The following SRSF11 variants were observed in gnomAD, a reference collection of about 807,000 sequenced individuals.
SRSF11 encodes serine and arginine rich splicing factor 11.
Under a neutral mutation model 56.0 loss-of-function variants are expected in SRSF11, and 9 were observed. That is an observed-to-expected ratio of 0.16 (90% confidence interval 0.10 to 0.28). The LOEUF (loss-of-function observed/expected upper bound fraction) is 0.28, where lower values mean the gene tolerates loss of function less well. Among genes scored for constraint, SRSF11 ranks in the 10% least tolerant of loss-of-function variants. The pLI is 1.00. For synonymous variants in SRSF11, 222 were observed against 215.3 expected (o/e 1.03, Z -0.27); for missense variants, 421 against 600.7 (o/e 0.70, Z 3.13).
chr1:70,231,681 G>A, intron 2 of SRSF11: 1 of 1,181,904 alleles, frequency 8.5e-7, no homozygotes, highest in South Asian at 1.6e-5. Context: ...TCATGAGTCA[G>A]CAAAAGCCCT....
chr1:70,247,995 A>G (rs574908840), intron 9 of SRSF11, among the ~76,000 whole-genome samples: 1 of 152,264 alleles, frequency 6.6e-6, no homozygotes, highest in South Asian at 2.1e-4. Context: ...TTATAAATCA[A>G]AAAGACAGAT....
chr1:70,237,183 G>T (rs1674306314), intron 5 of SRSF11, among the ~76,000 whole-genome samples: 1 of 152,118 alleles, frequency 6.6e-6, no homozygotes, highest in African/African-American at 2.4e-5. Context: ...AAAGTTAATG[G>T]ATGTTCAGCA....
intron 2 of SRSF11, chr1:70,231,624 A>G (rs1483644489): frequency 3.4e-6 from 4 of 1,167,654 alleles, no homozygotes; most frequent in Middle Eastern, 3.9e-4. Context: ...TCCCATGCAC[A>G]CATCCTGTGT....
At chr1:70,244,021 T>TA (rs1232030635) in intron 7 of SRSF11, among the ~76,000 whole-genome samples, 2 of 152,066 alleles carry the variant, frequency 1.3e-5, no homozygotes, top group African/African-American at 2.4e-5. Context: ...GAGAAACAGA[T>TA]ATGTCAGGGA....
At position 70,221,784 on chromosome 1, in the gene SRSF11, C is replaced by A; in HGVS notation, c.148C>A (p.Arg50=). The A allele has an allele frequency of 6.2e-7, 1 of 1,614,124 alleles. No individual in the cohort carries two copies. Among genetic ancestry groups the A allele is most frequent in the Non-Finnish European group, 8.5e-7 (1 of 1,180,022 alleles). Residue 50 remains arginine, a synonymous_variant, in exon 1 of 12, where the codon CGG becomes AGG. Transcript: ENST00000370949. ...CCCGAGCGCTAGCTCTGAGCAGATGCGGACTCTCTTCGGTTTCCTAGGCAA... is the reference window on the plus strand; with the variant it reads ...CCCGAGCGCTAGCTCTGAGCAGATGAGGACTCTCTTCGGTTTCCTAGGCAA... ...VSPSASSEQM[R]TLFGFLGKID...
intron 9 of SRSF11, chr1:70,247,206 C>A: frequency 3.0e-6 from 2 of 664,694 alleles, no homozygotes; most frequent in Non-Finnish European, 3.8e-6. Flanking sequence ...TGAATTGTTC[C>A]ATTAAGTAAG....
At chr1:70,230,723 A>C (rs1672691548) in intron 2 of SRSF11, 1 of 1,194,926 alleles carries the variant, frequency 8.4e-7, no homozygotes, top group East Asian at 6.1e-5. Flanking sequence ...ATGGATGCAG[A>C]TCTTCTATCA....
intron 4 of SRSF11, 93 bp downstream of exon 4, chr1:70,234,881 G>T: frequency 9.9e-7 from 1 of 1,011,934 alleles, no homozygotes. Flanking sequence ...GAAGCTAATG[G>T]CTATGTTGTA....
intron 9 of SRSF11, chr1:70,248,927 T>C (rs1677357214): frequency 6.6e-6 from 1 of 152,230 alleles, no homozygotes; most frequent in South Asian, 2.1e-4. Context: ...AAGTGAATGC[T>C]CAGTTATGTG....
At chr1:70,247,001 T>C (rs1247831486) in intron 9 of SRSF11, 94 bp downstream of exon 9, 22 of 1,203,132 alleles carry the variant, frequency 1.8e-5, no homozygotes, top group Non-Finnish European at 2.1e-5. Flanking sequence ...TTCCAGAACA[T>C]AAGTATTTCA....
intron 1 of SRSF11, among the ~76,000 whole-genome samples, chr1:70,207,102 G>C (rs1049885711): frequency 1.3e-5 from 2 of 151,906 alleles, no homozygotes; most frequent in African/African-American, 4.8e-5. Flanking sequence ...ATGTTGGTCA[G>C]GCTGGTCTCG....
At position 70,252,388 on chromosome 1, in the gene SRSF11, A is replaced by G. The variant is rs932438619; in HGVS notation, c.*1583A>G. ...TATCTACTGTACAGTACTAAATAGTATTCATTTATGAAATGAGTAGTGTTT... is the reference window on the plus strand; with the variant it reads ...TATCTACTGTACAGTACTAAATAGTGTTCATTTATGAAATGAGTAGTGTTT... On this transcript the variant is annotated 3_prime_UTR_variant, in exon 12 of 12. Transcript: ENST00000370949. The G allele has an allele frequency of 1.1e-4, 16 of 152,164 alleles. No homozygotes were observed. Among genetic ancestry groups the G allele is most frequent in the Non-Finnish European group, 2.4e-4 (16 of 68,000 alleles). 9.4% of individuals were successfully genotyped at this position (152,164 alleles called of 1,614,324 possible). A position where few individuals can be genotyped will look rare whatever the true frequency, so the allele number is the denominator to read the frequency against.
chr1:70,244,858 C>T (rs766722123), intron 8 of SRSF11, 43 bp downstream of exon 8: 5 of 1,601,932 alleles, frequency 3.1e-6, no homozygotes, highest in Non-Finnish European at 4.3e-6. Flanking sequence ...GTTCCCAGTA[C>T]CCCTAGTACT....
chr1:70,208,251 T>C (rs1406908662), intron 1 of SRSF11, among the ~76,000 whole-genome samples: 3 of 152,188 alleles, frequency 2.0e-5, no homozygotes, highest in African/African-American at 7.2e-5. Context: ...CCAGTGGCCA[T>C]ATGCTTGTGG....
chr1:70,229,140 T>TG, intron 2 of SRSF11: 1 of 1,265,546 alleles, frequency 7.9e-7, no homozygotes, highest in Admixed American at 2.5e-5. Context: ...TGTTCATTCT[T>TG]GCTATATTTC....
At chr1:70,209,091 A>G (rs1253233758) in intron 1 of SRSF11, among the ~76,000 whole-genome samples, 1 of 152,218 alleles carries the variant, frequency 6.6e-6, no homozygotes, top group Non-Finnish European at 1.5e-5. Flanking sequence ...AGAAAAGAAA[A>G]TGAAGAAACC....
rs1678048260 is a variant in SRSF11, at chr1:70,252,156, A to C, written c.*1351A>C. On this transcript the variant is annotated 3_prime_UTR_variant, in exon 12 of 12. Transcript: ENST00000370949. ...ATCACTGTAGTGATAATTGCCATCA[A>C]AATTGTCAAAAATGATTTAATTTCT... is the stretch of plus-strand genomic sequence containing the variant. 1 of 152,568 alleles carries C rather than the reference A, an allele frequency of 6.6e-6. No individual in the cohort carries two copies. The highest frequency in any genetic ancestry group is 2.4e-5 in the African/African-American group (1 of 41,578). The allele number at this position is 152,568 out of a possible 1,614,324, so 9.5% of individuals were successfully genotyped here. A position where few individuals can be genotyped will look rare whatever the true frequency, so the allele number is the denominator to read the frequency against.
chr1:70,250,968 A>T lies in SRSF11; in HGVS notation c.*163A>T. ...CTCATATTAGTTATTTACATCAAAAAGCTTTTAGAAAATGGTACGAGGTAA... is the reference window on the plus strand; with the variant it reads ...CTCATATTAGTTATTTACATCAAAATGCTTTTAGAAAATGGTACGAGGTAA... On this transcript the variant is annotated 3_prime_UTR_variant, in exon 12 of 12. Transcript: ENST00000370949. The T allele has an allele frequency of 1.6e-6, 1 of 627,492 alleles. No homozygotes were observed. The highest frequency in any genetic ancestry group is 2.8e-5 in the East Asian group (1 of 35,436). 38.9% of individuals were successfully genotyped at this position (627,492 alleles called of 1,614,324 possible).
Position 70,231,490 on chromosome 1 carries a change from A to G in SRSF11, c.338-778A>G, listed in dbSNP as rs1035652480. On this transcript the variant is annotated intron_variant, in intron 2 of 11. Coordinates refer to ENST00000370949, the MANE Select transcript of SRSF11 (RefSeq NM_001350605.2). ...AGGAGTTTGGCTAAGTTAGCTTTTC[A>G]ACTGGCACTGTATGGCAGCATTTTT... is the stretch of plus-strand genomic sequence containing the variant. The G allele has an allele frequency of 5.7e-6, 6 of 1,059,794 alleles. No individual in the cohort carries two copies. The African/African-American group carries it at 1.0e-4, about 18-fold the overall frequency. 65.6% of individuals were successfully genotyped at this position (1,059,794 alleles called of 1,614,324 possible).
Sources: gnomAD v4.1 joint callset for allele counts (sites outside exome capture counted in the v4.1 genomes callset) on GRCh38, gnomAD v4.1.1 for gene constraint, MANE v1.5 for transcripts, NCBI Gene and HGNC (gene_info 2026-07-23, HGNC 2026-07-21) for gene names.